DLG2: variants seen among roughly 807,000 people sequenced by gnomAD.
DLG2 encodes discs large MAGUK scaffold protein 2.
DLG2 carries 45 observed loss-of-function variants against 132.5 expected under a neutral mutation model. That is an observed-to-expected ratio of 0.34 (90% CI 0.27 to 0.44). The LOEUF (loss-of-function observed/expected upper bound fraction) is 0.44. Ranked by LOEUF, DLG2 falls within the 20% of genes least tolerant of loss-of-function variation. The probability of loss-of-function intolerance (pLI) is 1.00; values close to 1 mark genes in which losing one functional copy is unlikely to be tolerated. For synonymous variants in DLG2, 424 were observed against 419.6 expected (o/e 1.01, Z -0.13); for missense variants, 1,045 against 1,196.9 (o/e 0.87, Z 1.87).
At chr11:84,839,639 A>C (rs575029016) in intron 6 of DLG2, among the ~76,000 whole-genome samples, 24 of 152,282 alleles carry the variant, frequency 1.6e-4, no homozygotes, top group Middle Eastern at 6.8e-3. Context: ...CTAGTACCAA[A>C]ACAGTTATCT....
chr11:83,689,857 C>CA (rs1308609501), intron 18 of DLG2, among the ~76,000 whole-genome samples: 2 of 148,606 alleles, frequency 1.3e-5, no homozygotes, highest in African/African-American at 4.9e-5. Flanking sequence ...TTTGCATACT[C>CA]ACCCATTATC....
intron 6 of DLG2, among the ~76,000 whole-genome samples, chr11:84,658,502 C>G (rs1013754350): frequency 1.3e-5 from 2 of 151,932 alleles, no homozygotes; most frequent in African/African-American, 4.8e-5. Flanking sequence ...AATGCTTGTC[C>G]CCTCTAAATC....
At chr11:84,336,151 G>C (rs946755400) in intron 7 of DLG2, among the ~76,000 whole-genome samples, 4 of 152,152 alleles carry the variant, frequency 2.6e-5, no homozygotes, top group African/African-American at 7.2e-5. Context: ...ACTTCTCTGA[G>C]TGCACGCTTA....
chr11:83,769,737 T>C (rs1454297442), intron 18 of DLG2, among the ~76,000 whole-genome samples: 1 of 152,048 alleles, frequency 6.6e-6, no homozygotes, highest in East Asian at 1.9e-4. Flanking sequence ...CTAAGTTTTG[T>C]ATTTTTTAGT....
chr11:84,363,829 G>A (rs1336878617), intron 7 of DLG2, among the ~76,000 whole-genome samples: 9 of 151,628 alleles, frequency 5.9e-5, no homozygotes, highest in Admixed American at 3.3e-4. Flanking sequence ...GTAGATATGC[G>A]GCGTTATTTC....
intron 4 of DLG2, among the ~76,000 whole-genome samples, chr11:85,222,342 T>G (rs1324066672): frequency 1.3e-5 from 2 of 152,176 alleles, no homozygotes; most frequent in South Asian, 2.1e-4. Context: ...CATTAATTTA[T>G]TCATTCATTC....
rs571040286 is a variant in DLG2 at position 84,554,902 on chromosome 11, GA to G, written c.358-20172del. Among the ~76,000 whole-genome samples, 444 of 152,284 alleles carry G rather than the reference GA, an allele frequency of 2.9e-3. 4 individuals are homozygous for G. The highest frequency in any genetic ancestry group is 9.9e-3 in the African/African-American group (413 of 41,568). ...AGAGGAATGAGAATATCTCCCATGTGAAGAGGTGGGTAAGCTGCCTTTCAAA... is the reference window on the plus strand; with the variant it reads ...AGAGGAATGAGAATATCTCCCATGTGAGAGGTGGGTAAGCTGCCTTTCAAA... On this transcript the variant is annotated intron_variant, in intron 6 of 27. Transcript: ENST00000376104.
intron 6 of DLG2, among the ~76,000 whole-genome samples, chr11:84,847,240 T>C (rs2081587088): frequency 6.6e-6 from 1 of 152,146 alleles, no homozygotes; most frequent in African/African-American, 2.4e-5. Context: ...CTACAGGAGA[T>C]GGTTAATGAT....
At position 85,352,193 on chromosome 11, in the gene DLG2, G is replaced by C. The variant is rs2083343915; in HGVS notation, c.41-66828C>G. On this transcript the variant is annotated intron_variant, in intron 3 of 27. Coordinates refer to ENST00000376104, the MANE Select transcript of DLG2 (RefSeq NM_001142699.3). ...TTCTTCTAGATTTTCTAGTTTATTT[G>C]CATAGACGTGTTTATAGTATTCTCT... 3.3e-5 allele frequency among the ~76,000 whole-genome samples: 5 copies of C among 152,268 alleles called. No individual in the cohort carries two copies. In the South Asian group the frequency reaches 1.0e-3, roughly 32 times the overall value.
intron 4 of DLG2, among the ~76,000 whole-genome samples, chr11:85,235,185 A>G (rs996016150): frequency 2.6e-5 from 4 of 151,930 alleles, no homozygotes; most frequent in Admixed American, 2.0e-4. Flanking sequence ...CTATGAAGTC[A>G]TTAGCTGCAA....
At chr11:84,581,062 G>A (rs924810984) in intron 6 of DLG2, among the ~76,000 whole-genome samples, 3 of 152,192 alleles carry the variant, frequency 2.0e-5, no homozygotes, top group Non-Finnish European at 2.9e-5. Flanking sequence ...AATGACTCCA[G>A]TATTTGTGGT....
intron 16 of DLG2, among the ~76,000 whole-genome samples, chr11:83,845,662 A>G (rs2058473945): frequency 6.6e-6 from 1 of 152,254 alleles, no homozygotes; most frequent in Admixed American, 6.5e-5. Flanking sequence ...TACAGAGTTT[A>G]TACTAAACAT....
chr11:84,739,385 C>A (rs992564401), intron 6 of DLG2, among the ~76,000 whole-genome samples: 1 of 151,998 alleles, frequency 6.6e-6, no homozygotes, highest in African/African-American at 2.4e-5. Flanking sequence ...GTGATGACTC[C>A]CTACTTTGTT....
At chr11:85,382,166 A>G (rs1339303191) in intron 3 of DLG2, among the ~76,000 whole-genome samples, 1 of 152,138 alleles carries the variant, frequency 6.6e-6, no homozygotes, top group Non-Finnish European at 1.5e-5. Context: ...CTGACATAAT[A>G]AAAGTCACAC....
At chr11:83,923,187 A>C (rs969968) in intron 15 of DLG2, among the ~76,000 whole-genome samples, 9,210 of 152,216 alleles carry the variant, frequency 0.061, 353 homozygotes, top group East Asian at 0.16. Context: ...TAGCAACAAA[A>C]ATCAATATAC....
intron 6 of DLG2, among the ~76,000 whole-genome samples, chr11:84,991,185 G>A (rs976786579): frequency 6.6e-6 from 1 of 152,144 alleles, no homozygotes; most frequent in Admixed American, 6.5e-5. Context: ...ATCGGTGGTT[G>A]CCAGAGATTA....
At chr11:83,610,821 A>T (rs2060008546) in intron 19 of DLG2, among the ~76,000 whole-genome samples, 2 of 152,204 alleles carry the variant, frequency 1.3e-5, no homozygotes, top group Admixed American at 1.3e-4. Flanking sequence ...GTTATCCACA[A>T]TAGAAAGAGG....
intron 3 of DLG2, among the ~76,000 whole-genome samples, chr11:85,386,534 A>G (rs576002953): frequency 3.3e-5 from 5 of 152,218 alleles, no homozygotes; most frequent in Non-Finnish European, 7.4e-5. Context: ...TAAATACTAA[A>G]TAAGATAATA....
At chr11:83,976,678 C>G (rs1412939795) in intron 12 of DLG2, among the ~76,000 whole-genome samples, 5 of 151,816 alleles carry the variant, frequency 3.3e-5, no homozygotes, top group African/African-American at 1.2e-4. Flanking sequence ...CCAGTTTCAA[C>G]TTGGAAGTAC....
Sources: allele counts gnomAD v4.1 joint callset (sites outside exome capture counted in the v4.1 genomes callset), GRCh38; gene constraint gnomAD v4.1.1; transcripts MANE v1.5; gene names NCBI Gene and HGNC (gene_info 2026-07-23, HGNC 2026-07-21).